TATDN1: variants seen among roughly 807,000 people sequenced by gnomAD.
TATDN1 encodes the protein TatD DNase domain containing 1.
Under a neutral mutation model 46.4 loss-of-function variants are expected in TATDN1, and 40 were observed. The observed-to-expected ratio is 0.86, with a 90% CI of 0.67 to 1.12. The LOEUF (loss-of-function observed/expected upper bound fraction) is 1.12, where lower values mean the gene tolerates loss of function less well. TATDN1 is among the 50% of genes most tolerant of loss of function. TATDN1 has a pLI of 0.00. For missense variants in TATDN1, 326 were observed against 348.4 expected, an observed-to-expected ratio of 0.94 and a Z score of 0.51; for synonymous variants, 95 against 105.6, an observed-to-expected ratio of 0.90 and a Z score of 0.62.
At position 124,495,495 on chromosome 8, in the gene TATDN1, C is replaced by G. The variant is rs375903891; in HGVS notation, c.641G>C (p.Ser214Thr). The stretch of plus-strand genomic sequence containing the variant: ...ACCTGTCTCAATCATTAATTTTTCA[C>G]TAGGAATTGACTTCAAAACTTCCAA... ...ANLEVLKSIP[S>T]EKLMIETDAP... is the part of the protein sequence containing the mutation. Residue 214 changes from serine to threonine, a missense_variant, in exon 10 of 12, where the codon AGT (serine) becomes ACT (threonine). By Grantham distance (58) the Ser-to-Thr change is moderately conservative. Coordinates refer to ENST00000276692, the MANE Select transcript of TATDN1 (RefSeq NM_032026.4). 37 of 1,608,630 alleles carry G rather than the reference C, an allele frequency of 2.3e-5. No individual in the cohort carries two copies. Among genetic ancestry groups the G allele is most frequent in the Non-Finnish European group, 3.1e-5 (36 of 1,178,422 alleles).
chr8:124,495,347 T>G (rs1437865364), intron 10 of TATDN1, 125 bp downstream of exon 10: 23 of 688,056 alleles, frequency 3.3e-5, no homozygotes, highest in Non-Finnish European at 5.7e-5. Flanking sequence ...AACATAATTG[T>G]TGAGGTTGAG....
At chr8:124,516,114 A>AGTT in intron 4 of TATDN1, 84 bp from the exon 5 acceptor site, 2 of 1,178,906 alleles carry the variant, frequency 1.7e-6, no homozygotes, top group Non-Finnish European at 2.3e-6. Context: ...GATATCAAGT[A>AGTT]ATTTCAACTG....
At chr8:124,517,666 C>G (rs1380673493) in intron 4 of TATDN1, among the ~76,000 whole-genome samples, 4 of 152,094 alleles carry the variant, frequency 2.6e-5, no homozygotes, top group Non-Finnish European at 4.4e-5. Flanking sequence ...TTTTACCTAA[C>G]TAGGATTCCT....
At chr8:124,531,015 A>T (rs1820906145) in intron 1 of TATDN1, among the ~76,000 whole-genome samples, 1 of 152,094 alleles carries the variant, frequency 6.6e-6, no homozygotes. Context: ...ATTAATTAAT[A>T]GCACCCATCC....
chr8:124,504,566 G>A (rs1367100164), intron 8 of TATDN1: 5 of 339,506 alleles, frequency 1.5e-5, no homozygotes, highest in Non-Finnish European at 2.6e-5. Context: ...GTTAGCTGCC[G>A]AGAATTTCTC....
chr8:124,513,711 T>C (rs1047457078), intron 6 of TATDN1, among the ~76,000 whole-genome samples: 23 of 152,208 alleles, frequency 1.5e-4, no homozygotes, highest in Admixed American at 1.4e-3. Context: ...TAGAATCAGT[T>C]CTAACTCATT....
chr8:124,488,738 T>C (rs780340306), intron 11 of TATDN1, 42 bp from the exon 12 acceptor site: 11 of 1,113,896 alleles, frequency 9.9e-6, no homozygotes, highest in Non-Finnish European at 1.4e-5. Flanking sequence ...TCTCCAAGTA[T>C]ACATTTAGTT....
intron 6 of TATDN1, among the ~76,000 whole-genome samples, chr8:124,509,731 A>G (rs1818840220): frequency 1.3e-5 from 2 of 152,262 alleles, no homozygotes; most frequent in African/African-American, 4.8e-5. Flanking sequence ...AGAAATAGAA[A>G]TGTACTTCTT....
At chr8:124,504,217 T>C in intron 9 of TATDN1, 54 bp downstream of exon 9, 1 of 1,336,640 alleles carries the variant, frequency 7.5e-7, no homozygotes, top group Non-Finnish European at 1.0e-6. Flanking sequence ...TGTAAGACAA[T>C]TTAAGAAATC....
intron 8 of TATDN1, among the ~76,000 whole-genome samples, chr8:124,507,689 A>T (rs111329716): frequency 3.9e-4 from 59 of 150,140 alleles, no homozygotes; most frequent in African/African-American, 1.4e-3. Context: ...GAGGCTGAGG[A>T]TGGCTTGATC....
intron 10 of TATDN1, chr8:124,494,581 G>C (rs951529156): frequency 1.3e-5 from 2 of 151,998 alleles, no homozygotes; most frequent in East Asian, 3.8e-4. Flanking sequence ...GTCTCACTCT[G>C]TCTCCAAGGC....
chr8:124,510,751 G>A (rs1024629268), intron 6 of TATDN1, among the ~76,000 whole-genome samples: 52 of 152,098 alleles, frequency 3.4e-4, no homozygotes, highest in Admixed American at 2.6e-4. Context: ...TGAGCCTGGC[G>A]AGGTCAAGGC....
At chr8:124,491,298 T>C (rs1387553038) in intron 11 of TATDN1, 1 of 152,318 alleles carries the variant, frequency 6.6e-6, no homozygotes, top group Non-Finnish European at 1.5e-5. Context: ...ACTTGACTTC[T>C]GCTTACACTG....
intron 4 of TATDN1, among the ~76,000 whole-genome samples, chr8:124,517,344 C>T (rs75887491): frequency 2.0e-5 from 3 of 151,214 alleles, no homozygotes; most frequent in Non-Finnish European, 4.4e-5. Flanking sequence ...AGGAGAATCA[C>T]TTGTACCCAG....
chr8:124,507,627 CAAAAAAAT>C (rs1238270422), intron 8 of TATDN1, among the ~76,000 whole-genome samples: 1 of 151,662 alleles, frequency 6.6e-6, no homozygotes. Flanking sequence ...ACAAAATATA[CAAAAAAAT>C]TAGCTGGCCA....
intron 4 of TATDN1, among the ~76,000 whole-genome samples, chr8:124,517,425 C>CAAAAAAAAAAA: frequency 1.5e-5 from 1 of 67,190 alleles, no homozygotes; most frequent in Non-Finnish European, 2.9e-5. Flanking sequence ...AAGACTGTCT[C>CAAAAAAAAAAA]AAAAAAAAAA....
chr8:124,522,856 G>T, intron 2 of TATDN1, 81 bp downstream of exon 2: 1 of 1,218,844 alleles, frequency 8.2e-7, no homozygotes, highest in Non-Finnish European at 1.2e-6. Flanking sequence ...GACTCAGCTT[G>T]AATTATGCTT....
chr8:124,510,736 T>A (rs1048129776), intron 6 of TATDN1, among the ~76,000 whole-genome samples: 1 of 152,016 alleles, frequency 6.6e-6, no homozygotes, highest in Non-Finnish European at 1.5e-5. Context: ...GGTGGGAGGA[T>A]TGCTTGAGCC....
chr8:124,505,437 T>C (rs1307729137), intron 8 of TATDN1, among the ~76,000 whole-genome samples: 1 of 149,720 alleles, frequency 6.7e-6, no homozygotes, highest in Non-Finnish European at 1.5e-5. Flanking sequence ...TTCTTATAAA[T>C]GGGTGAGACT....
Sources: gnomAD v4.1 joint callset for allele counts (sites outside exome capture counted in the v4.1 genomes callset) on GRCh38, gnomAD v4.1.1 for gene constraint, MANE v1.5 for transcripts, NCBI Gene and HGNC (gene_info 2026-07-23, HGNC 2026-07-21) for gene names.